The following MTMR7 variants were observed in gnomAD, a reference collection of about 807,000 sequenced individuals.
The protein encoded by MTMR7 is phosphatidylinositol-3-phosphate phosphatase MTMR7.
A neutral mutation model predicts 81.2 loss-of-function variants in MTMR7; 76 were observed. The ratio of observed to expected loss-of-function variants is 0.94; its 90% CI spans 0.78 to 1.13. MTMR7 has a LOEUF of 1.13. Ranked by LOEUF, MTMR7 falls within the 50% of genes most tolerant of loss-of-function variation. The pLI, the probability that MTMR7 is intolerant of heterozygous loss-of-function variation, is 0.00. For synonymous variants in MTMR7, 372 were observed against 289.8 expected, an observed-to-expected ratio of 1.28 and a Z score of -2.88; for missense variants, 1,044 against 820.0, an observed-to-expected ratio of 1.27 and a Z score of -3.34.
Position 17,304,251 on chromosome 8 carries a change from C to T in MTMR7, c.1493+128G>A, listed in dbSNP as rs1817307718. 4 of 994,578 alleles carry T rather than the reference C, an allele frequency of 4.0e-6. No homozygotes were observed. The Admixed American group carries it at 1.0e-4, about 25-fold the overall frequency. The allele number at this position is 994,578 out of a possible 1,614,324, so 61.6% of individuals were successfully genotyped here. On this transcript the variant is annotated intron_variant, in intron 12 of 13. Coordinates refer to ENST00000180173, the MANE Select transcript of MTMR7 (RefSeq NM_004686.5). ...ACCAGATCAGATATTCAAGCATCTC[C>T]CTCTGGTGTCTTTTGTGTCCAATAA...
chr8:17,413,180 A>G (rs1197318060), intron 1 of MTMR7, 89 bp downstream of exon 1: 3 of 1,448,044 alleles, frequency 2.1e-6, no homozygotes, highest in Non-Finnish European at 2.8e-6. Context: ...GTGCCCCTCA[A>G]AGCAGTCGGC....
At chr8:17,404,219 T>A (rs2150585660) in intron 1 of MTMR7, among the ~76,000 whole-genome samples, 1 of 152,162 alleles carries the variant, frequency 6.6e-6, no homozygotes, top group South Asian at 2.1e-4. Context: ...TGGGATAACC[T>A]GGATAAGGTG....
intron 5 of MTMR7, among the ~76,000 whole-genome samples, chr8:17,342,640 G>A (rs1159961856): frequency 6.6e-6 from 1 of 152,132 alleles, no homozygotes; most frequent in Non-Finnish European, 1.5e-5. Flanking sequence ...TCTGAAGTTG[G>A]AGAACCACAG....
At chr8:17,357,487 C>A (rs1376097891) in intron 4 of MTMR7, among the ~76,000 whole-genome samples, 2 of 152,166 alleles carry the variant, frequency 1.3e-5, no homozygotes, top group Non-Finnish European at 2.9e-5. Flanking sequence ...TACAGTAAGT[C>A]CTTGCTCAAC....
chr8:17,350,929 G>A (rs1819711249), intron 4 of MTMR7, among the ~76,000 whole-genome samples: 1 of 152,150 alleles, frequency 6.6e-6, no homozygotes, highest in Non-Finnish European at 1.5e-5. Context: ...AGGAAAATCT[G>A]CCAAGAACAG....
chr8:17,360,474 TG>T (rs1370491601), intron 4 of MTMR7, among the ~76,000 whole-genome samples: 1 of 146,998 alleles, frequency 6.8e-6, no homozygotes, highest in Non-Finnish European at 1.5e-5. Flanking sequence ...ATGGTGGGTT[TG>T]GGGTTTTTTT....
intron 1 of MTMR7, among the ~76,000 whole-genome samples, chr8:17,385,518 G>T (rs553161602): frequency 6.6e-6 from 1 of 152,258 alleles, no homozygotes; most frequent in South Asian, 2.1e-4. Context: ...AAGTCTCTTT[G>T]CTCTGCCTTC....
At chr8:17,355,385 TG>T (rs1475870217) in intron 4 of MTMR7, among the ~76,000 whole-genome samples, 1 of 152,158 alleles carries the variant, frequency 6.6e-6, no homozygotes, top group Non-Finnish European at 1.5e-5. Context: ...TTCAGTGTCA[TG>T]GAAGTGTCCA....
At chr8:17,359,767 T>C (rs1820005436) in intron 4 of MTMR7, among the ~76,000 whole-genome samples, 2 of 152,190 alleles carry the variant, frequency 1.3e-5, no homozygotes, top group South Asian at 2.1e-4. Flanking sequence ...AAGAAATCAC[T>C]CATTATACCA....
At chr8:17,342,721 T>C (rs1819439994) in intron 5 of MTMR7, among the ~76,000 whole-genome samples, 1 of 151,916 alleles carries the variant, frequency 6.6e-6, no homozygotes, top group Non-Finnish European at 1.5e-5. Context: ...GGACAATCAC[T>C]GAGGGGGTTA....
In MTMR7 at chr8:17,389,755, G is replaced by A. The variant is rs550868392; in HGVS notation, c.25-16515C>T. On this transcript the variant is annotated intron_variant, in intron 1 of 13. Coordinates refer to ENST00000180173, the MANE Select transcript of MTMR7 (RefSeq NM_004686.5). ...CACATACAGGAAACAGAGCAGAGAC[G>A]GGGAAAAAATAAAACAAAACTTCAT... Among the ~76,000 whole-genome samples the A allele has an allele frequency of 5.3e-5, 8 of 152,082 alleles. No homozygotes were observed. The South Asian group carries it at 8.3e-4, about 16-fold the overall frequency.
intron 1 of MTMR7, among the ~76,000 whole-genome samples, chr8:17,393,570 C>A (rs1210427887): frequency 6.6e-6 from 1 of 152,162 alleles, no homozygotes; most frequent in East Asian, 1.9e-4. Flanking sequence ...GAGCTAGAAG[C>A]TGTCATCCTC....
chr8:17,380,554 A>G (rs973165060), intron 1 of MTMR7, among the ~76,000 whole-genome samples: 10 of 135,576 alleles, frequency 7.4e-5, no homozygotes, highest in African/African-American at 2.8e-4. Flanking sequence ...AAAATACACT[A>G]ACAACAGCTG....
intron 1 of MTMR7, among the ~76,000 whole-genome samples, chr8:17,388,530 C>A (rs943604723): frequency 6.6e-6 from 1 of 152,226 alleles, no homozygotes; most frequent in Non-Finnish European, 1.5e-5. Context: ...AAGTCAGAGG[C>A]TCATTTGATT....
chr8:17,323,335 A>T (rs1228552321), intron 7 of MTMR7, among the ~76,000 whole-genome samples: 1 of 151,934 alleles, frequency 6.6e-6, no homozygotes, highest in Non-Finnish European at 1.5e-5. Flanking sequence ...ACATCCCTTG[A>T]CTCCACTTTC....
intron 1 of MTMR7, 84 bp downstream of exon 1, chr8:17,413,185 G>A (rs1229012227): frequency 1.0e-5 from 15 of 1,470,556 alleles, no homozygotes; most frequent in Admixed American, 2.0e-5. Context: ...CCTCAAAGCA[G>A]TCGGCCTCCC....
Position 17,305,850 on chromosome 8 carries a change from T to C in MTMR7, c.1259A>G (p.Asn420Ser), listed in dbSNP as rs201455556. ...MEQFPCAFEF[N>S]ERFLIHIQHH... is the part of the protein sequence containing the mutation. ...TTGAATGTGAATCAAAAACCTCTCA[T>C]TGAACTCAAAGGCACAGGGAAATTG... Residue 420 changes from asparagine (N) to serine (S), a missense_variant, in exon 11 of 14, where the codon AAT (asparagine) becomes AGT (serine). Transcript: ENST00000180173. 3.4e-5 allele frequency: 55 copies of C among 1,613,702 alleles called. No homozygotes were observed. The highest frequency in any genetic ancestry group is 2.3e-4 in the South Asian group (21 of 91,074).
chr8:17,337,262 G>A (rs1819269780), intron 6 of MTMR7, among the ~76,000 whole-genome samples: 1 of 151,808 alleles, frequency 6.6e-6, no homozygotes, highest in African/African-American at 2.4e-5. Context: ...CTACTCGGGA[G>A]GCTGAGGCAG....
At chr8:17,365,550 A>C (rs2150560670) in intron 3 of MTMR7, among the ~76,000 whole-genome samples, 1 of 152,252 alleles carries the variant, frequency 6.6e-6, no homozygotes, top group Middle Eastern at 3.4e-3. Flanking sequence ...TATCCAACTA[A>C]AACATCTTTT....
Sources: gnomAD v4.1 joint callset for allele counts (sites outside exome capture counted in the v4.1 genomes callset) on GRCh38, gnomAD v4.1.1 for gene constraint, MANE v1.5 for transcripts, NCBI Gene and HGNC (gene_info 2026-07-23, HGNC 2026-07-21) for gene names.